LGALS9: variants seen among roughly 807,000 people sequenced by gnomAD.
LGALS9 encodes galectin 9.
In LGALS9, 26 loss-of-function variants were observed where a neutral mutation model predicts 35.9. The observed-to-expected ratio is 0.72, with a 90% CI of 0.53 to 1.01. The LOEUF (loss-of-function observed/expected upper bound fraction) is 1.01, where lower values mean the gene tolerates loss of function less well. LGALS9 is among the 50% of genes least tolerant of loss of function. The pLI, the probability that LGALS9 is intolerant of heterozygous loss-of-function variation, is 0.00. For missense variants in LGALS9, 347 were observed against 445.8 expected, an observed-to-expected ratio of 0.78 and a Z score of 1.99; for synonymous variants, 149 against 172.2, an observed-to-expected ratio of 0.87 and a Z score of 1.06.
intron 6 of LGALS9, 90 bp from the exon 7 acceptor site, chr17:27,645,771 T>G (rs1225185990): frequency 8.6e-6 from 9 of 1,042,314 alleles, no homozygotes; most frequent in Non-Finnish European, 1.3e-5. Context: ...TTACGCCCCC[T>G]GGAGGGTGCC....
chr17:27,640,259 T>G (rs1904363968), intron 2 of LGALS9: 1 of 418,870 alleles, frequency 2.4e-6, no homozygotes, highest in Non-Finnish European at 4.5e-6. Flanking sequence ...GCTTAACAAC[T>G]TCCATCTTCG....
In LGALS9 at chr17:27,647,251, G is replaced by C; in HGVS notation, c.759-19G>C. ...TCAGAATTCGGTGGATAAAGGTTCA[G>C]GTGGGCTGCCCACCCCAGGTTCCAC... On this transcript the variant is annotated intron_variant, in intron 9 of 10. Transcript: ENST00000395473. 6.2e-7 allele frequency: 1 copy of C among 1,613,580 alleles called. No individual in the cohort carries two copies. The highest frequency in any genetic ancestry group is 8.5e-7 in the Non-Finnish European group (1 of 1,180,016).
intron 10 of LGALS9, 95 bp from the exon 11 acceptor site, chr17:27,648,741 A>AGGAG (rs1246519680): frequency 6.6e-6 from 10 of 1,522,638 alleles, no homozygotes; most frequent in Non-Finnish European, 8.8e-6. Context: ...TTAACAACTG[A>AGGAG]GGAGGGAGGG....
At chr17:27,633,761 G>A (rs1340266730) in intron 1 of LGALS9, among the ~76,000 whole-genome samples, 3 of 152,220 alleles carry the variant, frequency 2.0e-5, no homozygotes, top group Non-Finnish European at 2.9e-5. Flanking sequence ...ACACGGAATC[G>A]CACCCAGTCC....
chr17:27,640,804 C>A, intron 3 of LGALS9, 31 bp downstream of exon 3: 1 of 1,612,348 alleles, frequency 6.2e-7, no homozygotes, highest in East Asian at 2.2e-5. Context: ...CACCTCTCAC[C>A]CCTGGGACCC....
intron 3 of LGALS9, 118 bp downstream of exon 3, chr17:27,640,891 A>T (rs1020929593): frequency 6.9e-7 from 1 of 1,451,194 alleles, no homozygotes; most frequent in African/African-American, 1.4e-5. Flanking sequence ...CTATACAGAT[A>T]ACACGCTCAT....
Position 27,633,048 on chromosome 17 carries a change from G to A in LGALS9, c.39+1744G>A, listed in dbSNP as rs147666065. The stretch of plus-strand genomic sequence containing the variant: ...AGGGCCTGGGGGAAGCTGGAACCAC[G>A]TGCTGTGTGGTCCAGGAAGCACTGG... On this transcript the variant is annotated intron_variant, in intron 1 of 10. Transcript: ENST00000395473. 3.1e-3 allele frequency among the ~76,000 whole-genome samples: 472 copies of A among 152,330 alleles called. 1 individual carries two copies. Among genetic ancestry groups the A allele is most frequent in the Middle Eastern group, 0.014 (4 of 294 alleles).
At chr17:27,639,637 A>G (rs933342781) in intron 2 of LGALS9, among the ~76,000 whole-genome samples, 3 of 152,168 alleles carry the variant, frequency 2.0e-5, no homozygotes, top group Non-Finnish European at 2.9e-5. Context: ...TGGTATGATC[A>G]TAGCTCACTG....
At chr17:27,634,489 C>T (rs2074422316) in intron 1 of LGALS9, among the ~76,000 whole-genome samples, 1 of 152,038 alleles carries the variant, frequency 6.6e-6, no homozygotes, top group African/African-American at 2.4e-5. Context: ...GAAGTGGAGG[C>T]TACAGTGAGC....
Position 27,640,848 on chromosome 17 carries a change from C to T in LGALS9, c.333+75C>T, listed in dbSNP as rs1426678756. ...ATCAGGTGAATGGCCTTTAAGTAAT[C>T]ACCTAAATTGACATTCAGCCAGAGT... On this transcript the variant is annotated intron_variant, in intron 3 of 10. Coordinates refer to ENST00000395473, the MANE Select transcript of LGALS9 (RefSeq NM_009587.3). 4 of 1,586,290 alleles carry T rather than the reference C, an allele frequency of 2.5e-6. No homozygotes were observed. In the African/African-American group the frequency reaches 4.0e-5, roughly 16 times the overall value.
intron 2 of LGALS9, among the ~76,000 whole-genome samples, chr17:27,638,952 C>T (rs2074485483): frequency 6.6e-6 from 1 of 152,124 alleles, no homozygotes; most frequent in African/African-American, 2.4e-5. Context: ...CCTGGCTGAC[C>T]CCTGCCGAGG....
chr17:27,631,511 C>T (rs370214672), intron 1 of LGALS9, among the ~76,000 whole-genome samples: 57 of 152,310 alleles, frequency 3.7e-4, no homozygotes, highest in African/African-American at 1.2e-3. Flanking sequence ...CTCCTTCCCA[C>T]GAGTCATGGC....
rs1397189375 is a variant in LGALS9 at position 27,649,309 on chromosome 17, C to T, written c.*327C>T. On this transcript the variant is annotated 3_prime_UTR_variant, in exon 11 of 11. Transcript: ENST00000395473. ...ATGCTCAGTCCCCTCCCATCCCCCA[C>T]GCAGCTCCACCCCAGTCCCAAGCCA... 4.4e-5 allele frequency: 18 copies of T among 408,832 alleles called. No individual in the cohort carries two copies. The highest frequency in any genetic ancestry group is 2.5e-4 in the South Asian group (11 of 43,428). The allele number at this position is 408,832 out of a possible 1,614,324, so 25.3% of individuals were successfully genotyped here.
intron 9 of LGALS9, 47 bp from the exon 10 acceptor site, chr17:27,647,223 G>T (rs1314320119): frequency 1.2e-6 from 2 of 1,613,404 alleles, no homozygotes; most frequent in Admixed American, 3.3e-5. Flanking sequence ...GAGGAAATGG[G>T]ACTCAGAATT....
rs199792432 is a variant in LGALS9, at chr17:27,641,944, C to CA, written c.334-285dup. On this transcript the variant is annotated intron_variant, in intron 3 of 10. Coordinates refer to ENST00000395473, the MANE Select transcript of LGALS9 (RefSeq NM_009587.3). ...CAGACTGACATTCCATCTCAAAAAA[C>CA]AAAAAAAAACAGTTGAAGGAAAAAT... Among the ~76,000 whole-genome samples the CA allele has an allele frequency of 2.0e-3, 295 of 148,678 alleles. 2 individuals are homozygous for CA. The highest frequency in any genetic ancestry group is 6.8e-3 in the Middle Eastern group (2 of 294).
At chr17:27,641,879 C>T (rs542173408) in intron 3 of LGALS9, among the ~76,000 whole-genome samples, 1 of 151,960 alleles carries the variant, frequency 6.6e-6, no homozygotes, top group Non-Finnish European at 1.5e-5. Context: ...GAGGCTGAGG[C>T]ACGAGAATCA....
At chr17:27,643,493 T>G in intron 4 of LGALS9, 32 bp from the exon 5 acceptor site, 1 of 1,611,002 alleles carries the variant, frequency 6.2e-7, no homozygotes, top group Non-Finnish European at 8.5e-7. Context: ...TTAATGCTTC[T>G]CCTCACTGCC....
intron 1 of LGALS9, among the ~76,000 whole-genome samples, chr17:27,633,446 C>A (rs2074411762): frequency 6.6e-6 from 1 of 152,252 alleles, no homozygotes; most frequent in African/African-American, 2.4e-5. Context: ...CAGCGGGGCA[C>A]CTTGGCTAAG....
At chr17:27,633,568 G>A (rs145288156) in intron 1 of LGALS9, among the ~76,000 whole-genome samples, 2 of 152,324 alleles carry the variant, frequency 1.3e-5, no homozygotes, top group African/African-American at 4.8e-5. Context: ...AAACAAGGCT[G>A]CCCACATTTT....
Sources: allele counts gnomAD v4.1 joint callset (sites outside exome capture counted in the v4.1 genomes callset), GRCh38; gene constraint gnomAD v4.1.1; transcripts MANE v1.5; gene names NCBI Gene and HGNC (gene_info 2026-07-23, HGNC 2026-07-21).